Variants in TUBGCP3 observed in about 807,000 individuals in gnomAD.
TUBGCP3 encodes tubulin gamma complex component 3.
In TUBGCP3, 50 loss-of-function variants were observed where a neutral mutation model predicts 123.1. That is an observed-to-expected ratio of 0.41 (90% CI 0.32 to 0.51). TUBGCP3 has a LOEUF of 0.51. Ranked by LOEUF, TUBGCP3 falls within the 20% of genes least tolerant of loss-of-function variation. The pLI is 0.36. For synonymous variants in TUBGCP3, 405 were observed against 413.9 expected (o/e 0.98, Z 0.26); for missense variants, 882 against 1,127.0 (o/e 0.78, Z 3.11).
At chr13:112,572,704 C>T (rs1015572173) in intron 1 of TUBGCP3, among the ~76,000 whole-genome samples, 1 of 152,136 alleles carries the variant, frequency 6.6e-6, no homozygotes, top group South Asian at 2.1e-4. Context: ...TAAGTTTGCG[C>T]ACTTCATGGC....
intron 20 of TUBGCP3, among the ~76,000 whole-genome samples, chr13:112,494,826 T>C (rs1482097282): frequency 1.3e-5 from 2 of 152,246 alleles, no homozygotes; most frequent in African/African-American, 4.8e-5. Context: ...ACCCATGATG[T>C]TGAGCACCTT....
chr13:112,567,766 A>G (rs1387977259), intron 2 of TUBGCP3, among the ~76,000 whole-genome samples: 1 of 152,214 alleles, frequency 6.6e-6, no homozygotes, highest in Non-Finnish European at 1.5e-5. Flanking sequence ...CTGACTCGCC[A>G]TCCAGTGCAG....
At chr13:112,489,002 C>A (rs1233713195) in intron 21 of TUBGCP3, among the ~76,000 whole-genome samples, 2 of 134,216 alleles carry the variant, frequency 1.5e-5, no homozygotes, top group African/African-American at 5.7e-5. Context: ...CCCACACCCA[C>A]CACAGTGGAG....
At chr13:112,599,351 A>C in the TUBGCP3 span, among the ~76,000 whole-genome samples, 2 of 152,220 alleles carry the variant, frequency 1.3e-5, no homozygotes, top group East Asian at 3.8e-4. Context: ...CTACGGATAG[A>C]ATCTCCACAT....
the TUBGCP3 span, among the ~76,000 whole-genome samples, chr13:112,598,876 T>G: frequency 0.32 from 48,753 of 150,714 alleles, 8,547 homozygotes; most frequent in African/African-American, 0.45. Flanking sequence ...AACCTGGAAG[T>G]TGGAGGTTGC....
chr13:112,486,692 T>A (rs185044321), intron 21 of TUBGCP3, among the ~76,000 whole-genome samples: 298 of 152,348 alleles, frequency 2.0e-3, no homozygotes, highest in African/African-American at 6.7e-3. Context: ...AGGGCGTTTT[T>A]AAAGATGTGA....
At position 112,524,694 on chromosome 13, in the gene TUBGCP3, A is replaced by G. The variant is rs1381854524; in HGVS notation, c.1556-2185T>C. Among the ~76,000 whole-genome samples, 2 of 152,192 alleles carry G rather than the reference A, an allele frequency of 1.3e-5. No homozygotes were observed. The highest frequency in any genetic ancestry group is 2.9e-5 in the Non-Finnish European group (2 of 68,028). ...GGGTGAGAGGGCCCATGGCTCTCACATGCCTGGAAAGGGTGTCTCCCCTGG... is the reference window on the plus strand; with the variant it reads ...GGGTGAGAGGGCCCATGGCTCTCACGTGCCTGGAAAGGGTGTCTCCCCTGG... On this transcript the variant is annotated intron_variant, in intron 13 of 21. Coordinates refer to ENST00000261965, the MANE Select transcript of TUBGCP3 (RefSeq NM_006322.6). This position sits in a 1 kb window ranked among gnomAD's most constrained non-coding sequence, Gnocchi z 4.4.
chr13:112,524,891 C>G lies in TUBGCP3; in HGVS notation c.1555+2051G>C, dbSNP rs960835295. 6.6e-6 allele frequency among the ~76,000 whole-genome samples: 1 copy of G among 152,246 alleles called. No homozygotes were observed. The highest frequency in any genetic ancestry group is 2.4e-5 in the African/African-American group (1 of 41,570). The stretch of plus-strand genomic sequence containing the variant: ...GTAAGTCCTCTCAGCTACTGAAAAC[C>G]AAATTGCCCGAAATGACATTCCTCT... On this transcript the variant is annotated intron_variant, in intron 13 of 21. Coordinates refer to ENST00000261965, the MANE Select transcript of TUBGCP3 (RefSeq NM_006322.6). The surrounding 1 kb of genome is among the most constrained non-coding windows in gnomAD (Gnocchi z 4.4).
intron 11 of TUBGCP3, among the ~76,000 whole-genome samples, chr13:112,532,955 C>G (rs1199158136): frequency 2.0e-5 from 3 of 152,244 alleles, no homozygotes; most frequent in East Asian, 3.8e-4. Flanking sequence ...GATACCACAG[C>G]AGACATAGCA....
chr13:112,503,657 T>C (rs949166912), intron 19 of TUBGCP3, among the ~76,000 whole-genome samples: 9 of 152,212 alleles, frequency 5.9e-5, no homozygotes, highest in Middle Eastern at 3.2e-3. Flanking sequence ...CATGAGCCAC[T>C]GCGCCCGGCC....
chr13:112,513,292 T>G (rs968445552), intron 17 of TUBGCP3, among the ~76,000 whole-genome samples: 5 of 152,242 alleles, frequency 3.3e-5, no homozygotes, highest in Non-Finnish European at 5.9e-5. Flanking sequence ...CCGCTGTGTT[T>G]TGTCCAGCTG....
intron 11 of TUBGCP3, among the ~76,000 whole-genome samples, chr13:112,539,018 T>G (rs1878287106): frequency 6.6e-6 from 1 of 152,206 alleles, no homozygotes; most frequent in Admixed American, 6.5e-5. Context: ...TATTTATAAA[T>G]GTAGGGTCTA....
chr13:112,486,811 G>A (rs935658734), intron 21 of TUBGCP3, among the ~76,000 whole-genome samples: 2 of 152,260 alleles, frequency 1.3e-5, no homozygotes, highest in Admixed American at 6.5e-5. Flanking sequence ...GCTGGAGCCT[G>A]CTGCATGCCA....
chr13:112,537,313 T>A (rs1878145817), intron 11 of TUBGCP3, among the ~76,000 whole-genome samples: 1 of 152,100 alleles, frequency 6.6e-6, no homozygotes, highest in South Asian at 2.1e-4. Context: ...ATGCCCTTTA[T>A]TAGTTATGTT....
At chr13:112,589,077 C>T (rs1882813553), upstream of TUBGCP3, among the ~76,000 whole-genome samples, 1 of 152,190 alleles carries the variant, frequency 6.6e-6, no homozygotes. Context: ...GATGCAACAA[C>T]CATCACAGCT....
chr13:112,576,509 A>G (rs899669854), intron 1 of TUBGCP3, among the ~76,000 whole-genome samples: 8 of 152,230 alleles, frequency 5.3e-5, no homozygotes, highest in African/African-American at 1.9e-4. Flanking sequence ...ACACAAACAC[A>G]CACAAAAAAA....
At chr13:112,557,720 T>C (rs1399266178) in intron 5 of TUBGCP3, among the ~76,000 whole-genome samples, 2 of 152,262 alleles carry the variant, frequency 1.3e-5, no homozygotes, top group Non-Finnish European at 2.9e-5. Context: ...CATTTCATCA[T>C]CTTAATTCAT....
chr13:112,564,031 G>C (rs891325764), intron 3 of TUBGCP3, among the ~76,000 whole-genome samples: 1 of 151,808 alleles, frequency 6.6e-6, no homozygotes, highest in African/African-American at 2.4e-5. Context: ...TTAACATACA[G>C]TGTGTAGAAA....
chr13:112,538,828 A>ATTT (rs1878273694), intron 11 of TUBGCP3, among the ~76,000 whole-genome samples: 1 of 152,248 alleles, frequency 6.6e-6, no homozygotes. Flanking sequence ...CATTAGGGAA[A>ATTT]CTAAGGAAAA....
Sources: allele counts gnomAD v4.1 joint callset (sites outside exome capture counted in the v4.1 genomes callset), GRCh38; gene constraint gnomAD v4.1.1; non-coding constraint Gnocchi (gnomAD v3.1); transcripts MANE v1.5; gene names NCBI Gene and HGNC (gene_info 2026-07-23, HGNC 2026-07-21).